Variants in ATG16L2 observed in about 807,000 individuals in gnomAD.
The protein encoded by ATG16L2 is protein Atg16l2.
ATG16L2 carries 77 observed loss-of-function variants against 84.7 expected under a neutral mutation model. The observed-to-expected ratio is 0.91, with a 90% confidence interval of 0.76 to 1.10. The LOEUF (loss-of-function observed/expected upper bound fraction) is 1.10, where lower values mean the gene tolerates loss of function less well. ATG16L2 is among the 50% of genes least tolerant of loss of function. The pLI is 0.00. For missense variants in ATG16L2, 782 were observed against 817.6 expected, an observed-to-expected ratio of 0.96 and a Z score of 0.53; for synonymous variants, 361 against 342.8, an observed-to-expected ratio of 1.05 and a Z score of -0.59.
Position 72,824,793 on chromosome 11 carries a change from T to C in ATG16L2, c.947T>C (p.Ile316Thr). The C allele has an allele frequency of 6.2e-7, 1 of 1,610,716 alleles. No individual in the cohort carries two copies. Among genetic ancestry groups the C allele is most frequent in the Non-Finnish European group, 8.5e-7 (1 of 1,178,442 alleles). Residue 316 changes from isoleucine (I) to threonine (T), a missense_variant, in exon 9 of 18, where the codon ATC (isoleucine) becomes ACC (threonine). Coordinates refer to ENST00000321297, the MANE Select transcript of ATG16L2 (RefSeq NM_033388.2). ...GGAPEQRYQI[I>T]PVCVAARLPT... Reference sequence around the variant, plus strand: ...GCCCCTGAGCAGCGATACCAGATCATCCCTGTGTGTGTGGCTGCCCGACTT... The same window carrying C: ...GCCCCTGAGCAGCGATACCAGATCACCCCTGTGTGTGTGGCTGCCCGACTT...
chr11:72,828,858 T>C (rs75859052), intron 16 of ATG16L2, 25 bp from the exon 17 acceptor site: 1 of 1,614,112 alleles, frequency 6.2e-7, no homozygotes, highest in Non-Finnish European at 8.5e-7. Flanking sequence ...CCCCCCGTTT[T>C]CTTGCTCTGC....
chr11:72,821,781 C>G, intron 4 of ATG16L2, 40 bp downstream of exon 4: 1 of 1,520,446 alleles, frequency 6.6e-7, no homozygotes, highest in East Asian at 2.5e-5. Context: ...GCGCCCACCT[C>G]AGGGAGGCCC....
rs757651167 is a variant in ATG16L2 at position 72,824,883 on chromosome 11, GA to G, written c.996+42del. On this transcript the variant is annotated intron_variant, in intron 9 of 17. Transcript: ENST00000321297. ...AGCCACATGGGTGGGGCAGTGGTGA[GA>G]GAGTGCAGGCACAGGGGTGGTCTCG... The G allele has an allele frequency of 4.6e-6, 7 of 1,515,510 alleles. No individual in the cohort carries two copies. In the Admixed American group the frequency reaches 9.9e-5, roughly 21 times the overall value. The allele number at this position is 1,515,510 out of a possible 1,614,324, so 93.9% of individuals were successfully genotyped here. A position where few individuals can be genotyped will look rare whatever the true frequency, so the allele number is the denominator to read the frequency against.
rs550421908 is a variant in ATG16L2, at chr11:72,826,389, G to A, written c.1174-129G>A. 1.3e-4 allele frequency: 191 copies of A among 1,438,440 alleles called. No homozygotes were observed. The Admixed American group carries it at 1.5e-3, about 11-fold the overall frequency. The allele number at this position is 1,438,440 out of a possible 1,614,324, so 89.1% of individuals were successfully genotyped here. ...TTACACAGATCCTCCTCCTTGGGCC[G>A]GAGGCTCCTTTGCCTGCCTTGGTGA... is the stretch of plus-strand genomic sequence containing the variant. On this transcript the variant is annotated intron_variant, in intron 11 of 17. Coordinates refer to ENST00000321297, the MANE Select transcript of ATG16L2 (RefSeq NM_033388.2).
At chr11:72,832,926 T>C (rs1456321499), downstream of ATG16L2, among the ~76,000 whole-genome samples, 1 of 152,216 alleles carries the variant, frequency 6.6e-6, no homozygotes, top group Non-Finnish European at 1.5e-5. Context: ...TGAAACTTCC[T>C]GCCCCAAGCC....
At chr11:72,827,807 C>G (rs1860449135) in intron 14 of ATG16L2, among the ~76,000 whole-genome samples, 1 of 152,172 alleles carries the variant, frequency 6.6e-6, no homozygotes, top group Admixed American at 6.5e-5. Context: ...GTGGCAGATG[C>G]CTGTAATCGC....
chr11:72,824,883 G>A (rs769466395), intron 9 of ATG16L2, 41 bp downstream of exon 9: 3 of 1,515,510 alleles, frequency 2.0e-6, no homozygotes, highest in Admixed American at 2.0e-5. Context: ...GCAGTGGTGA[G>A]AGAGTGCAGG....
chr11:72,818,175 T>G, intron 3 of ATG16L2: 1 of 322,568 alleles, frequency 3.1e-6, no homozygotes, highest in Non-Finnish European at 5.8e-6. Flanking sequence ...CCCCAAGGCC[T>G]AGCACCAGTT....
Position 72,828,495 on chromosome 11 carries a change from C to T in ATG16L2, c.1609C>T (p.Arg537Cys), listed in dbSNP as rs751853489. ...KVIDLRVSNI[R>C]QVFRADGFKC... The stretch of plus-strand genomic sequence containing the variant: ...CATCGACCTGCGTGTCAGCAACATC[C>T]GCCAGGTGTTCAGGTACCAGCCTCA... The change falls in exon 15 of 18, where the codon CGC becomes TGC. Residue 537 changes from arginine to cysteine, a missense_variant. Transcript: ENST00000321297. 117 of 1,614,084 alleles carry T rather than the reference C, an allele frequency of 7.2e-5. No homozygotes were observed. Among genetic ancestry groups the T allele is most frequent in the East Asian group, 8.9e-5 (4 of 44,904 alleles).
intron 5 of ATG16L2, among the ~76,000 whole-genome samples, chr11:72,834,650 T>C (rs972362113): frequency 2.6e-5 from 4 of 152,008 alleles, no homozygotes; most frequent in African/African-American, 7.3e-5. Context: ...TGGCATGATC[T>C]TGGCTCACCG....
At chr11:72,843,108 G>A (rs1228746091) in exon 6 of ATG16L2, 1 of 1,595,510 alleles carries the variant, frequency 6.3e-7, no homozygotes, top group Admixed American at 1.7e-5. Context: ...TACAGTTTAG[G>A]TCAAACGTGA....
intron 3 of ATG16L2, chr11:72,821,175 C>T (rs1859970196): frequency 5.1e-6 from 5 of 975,748 alleles, no homozygotes; most frequent in Non-Finnish European, 4.9e-6. Context: ...TTAAACCTCT[C>T]TGTCGGTGTC....
downstream of ATG16L2, among the ~76,000 whole-genome samples, chr11:72,831,342 A>G (rs770354176): frequency 6.6e-5 from 10 of 152,216 alleles, no homozygotes; most frequent in Admixed American, 5.2e-4. Context: ...CCTTGTCTCT[A>G]CTAAAAATAC....
chr11:72,834,513 C>T (rs1860675879), downstream of ATG16L2, among the ~76,000 whole-genome samples: 1 of 151,916 alleles, frequency 6.6e-6, no homozygotes, highest in Non-Finnish European at 1.5e-5. Context: ...GTGTGATGTT[C>T]TCTGTATCTA....
chr11:72,817,296 C>T (rs536881382), intron 2 of ATG16L2, among the ~76,000 whole-genome samples: 175 of 151,680 alleles, frequency 1.2e-3, no homozygotes, highest in Middle Eastern at 3.4e-3. Flanking sequence ...AGTGCAGTGG[C>T]GTGATCTCAG....
In ATG16L2 at chr11:72,822,505, G is replaced by A; in HGVS notation, c.672G>A (p.Glu224=). Residue 224 remains glutamate (E), a synonymous_variant, in exon 6 of 18, where the codon GAG becomes GAA. Coordinates refer to ENST00000321297, the MANE Select transcript of ATG16L2 (RefSeq NM_033388.2). The surrounding 1 kb of genome is among the most constrained non-coding windows in gnomAD (Gnocchi z 4.2). ...CCAAGCAGGCGCGGGTGTCCCAGGA[G>A]CTGAAGAAGGCTGCCAAGCGGACCG... ...ERAKQARVSQ[E]LKKAAKRTVS... is the part of the protein sequence containing the mutation. 6.2e-7 allele frequency: 1 copy of A among 1,613,038 alleles called. No individual in the cohort carries two copies. The highest frequency in any genetic ancestry group is 8.5e-7 in the Non-Finnish European group (1 of 1,179,518).
At position 72,827,237 on chromosome 11, in the gene ATG16L2, G is replaced by T. The variant is rs1249889385; in HGVS notation, c.1416G>T (p.Gly472=). 6.2e-7 allele frequency: 1 copy of T among 1,614,156 alleles called. No individual in the cohort carries two copies. Among genetic ancestry groups the T allele is most frequent in the Admixed American group, 1.7e-5 (1 of 60,016 alleles). Residue 472 remains glycine (G), a synonymous_variant, in exon 14 of 18, where the codon GGG becomes GGT. Transcript: ENST00000321297. The part of the protein sequence containing the change: ...VLSYCNDVVC[G]DHIIISGHND... ...CCTACTGTAATGACGTGGTGTGTGG[G>T]GACCATATCATCATTAGTGGCCACA...
intron 5 of ATG16L2, chr11:72,838,870 C>T (rs1273781772): frequency 2.5e-6 from 4 of 1,600,630 alleles, no homozygotes; most frequent in African/African-American, 2.7e-5. Flanking sequence ...GGGAGCTGCC[C>T]GGACCTGAGC....
intron 1 of ATG16L2, 45 bp downstream of exon 1, chr11:72,814,608 G>A (rs1361011202): frequency 6.8e-7 from 1 of 1,475,048 alleles, no homozygotes; most frequent in African/African-American, 1.4e-5. Flanking sequence ...GAGGGGACGC[G>A]GCTACGGGCG....
Sources: allele counts gnomAD v4.1 joint callset (sites outside exome capture counted in the v4.1 genomes callset), GRCh38; gene constraint gnomAD v4.1.1; non-coding constraint Gnocchi (gnomAD v3.1); transcripts MANE v1.5; gene names NCBI Gene and HGNC (gene_info 2026-07-23, HGNC 2026-07-21).